ADAMTSL1: variants seen among roughly 807,000 people sequenced by gnomAD.
The protein encoded by ADAMTSL1 is ADAMTS like 1, also known as ADAMTS-like protein 1.
In ADAMTSL1, 126 loss-of-function variants were observed where a neutral mutation model predicts 201.8. The ratio of observed to expected loss-of-function variants is 0.62; its 90% confidence interval spans 0.54 to 0.72. The LOEUF is 0.72. Among genes scored for constraint, ADAMTSL1 ranks in the 30% least tolerant of loss-of-function variants. The probability of loss-of-function intolerance (pLI) is 0.00; values close to 1 mark genes in which losing one functional copy is unlikely to be tolerated. For missense variants in ADAMTSL1, 2,679 were observed against 2,277.8 expected (o/e 1.18, Z -3.59); for synonymous variants, 1,121 against 903.4 (o/e 1.24, Z -4.32).
intron 5 of ADAMTSL1, among the ~76,000 whole-genome samples, chr9:18,632,758 T>C (rs946032824): frequency 5.9e-5 from 9 of 152,292 alleles, no homozygotes; most frequent in South Asian, 2.1e-4. Flanking sequence ...TTCAGAATAA[T>C]ATATAAGAGA....
chr9:18,850,828 G>C (rs1826445883), intron 23 of ADAMTSL1, among the ~76,000 whole-genome samples: 1 of 152,046 alleles, frequency 6.6e-6, no homozygotes, highest in Non-Finnish European at 1.5e-5. Context: ...CTTTTTAATT[G>C]AGTTCCCTTT....
intron 1 of ADAMTSL1, among the ~76,000 whole-genome samples, chr9:18,159,319 A>T (rs2132076161): frequency 6.6e-6 from 1 of 152,130 alleles, no homozygotes; most frequent in Non-Finnish European, 1.5e-5. Flanking sequence ...CCTACCCATG[A>T]GACATGAGCT....
intron 1 of ADAMTSL1, among the ~76,000 whole-genome samples, chr9:18,123,927 T>C (rs1006822505): frequency 6.6e-6 from 1 of 152,174 alleles, no homozygotes; most frequent in Non-Finnish European, 1.5e-5. Flanking sequence ...TCTATGAAGT[T>C]TCCAATTTGT....
chr9:18,509,139 G>A (rs1817862559), intron 2 of ADAMTSL1, among the ~76,000 whole-genome samples: 1 of 80,244 alleles, frequency 1.2e-5, no homozygotes, highest in Non-Finnish European at 2.4e-5. Flanking sequence ...AGCCGAGATT[G>A]CGCCACTGCA....
rs556156843 is a variant in ADAMTSL1 at position 18,892,861 on chromosome 9, T to C, written c.4851+265T>C. Among the ~76,000 whole-genome samples, 35 of 152,290 alleles carry C rather than the reference T, an allele frequency of 2.3e-4. 1 individual carries two copies. The highest frequency in any genetic ancestry group is 7.5e-4 in the African/African-American group (31 of 41,552). On this transcript the variant is annotated intron_variant, in intron 26 of 28. Transcript: ENST00000380548. The stretch of plus-strand genomic sequence containing the variant: ...AAAACATCTTATAATTGGCCATCTA[T>C]ACATTATTACATTTATGTCCTCCAC...
rs1335807711 is a variant in ADAMTSL1 at position 18,753,626 on chromosome 9, A to T, written c.2217+118A>T. ...TTAAAGGGATGTTCAAGATCTGCTCATTTCTCCCTTCTTAGTACTCCCCTA... is the reference window on the plus strand; with the variant it reads ...TTAAAGGGATGTTCAAGATCTGCTCTTTTCTCCCTTCTTAGTACTCCCCTA... On this transcript the variant is annotated intron_variant, in intron 16 of 28. Coordinates refer to ENST00000380548, the MANE Select transcript of ADAMTSL1 (RefSeq NM_001040272.6). 13 of 1,133,448 alleles carry T rather than the reference A, an allele frequency of 1.1e-5. No homozygotes were observed. The South Asian group carries it at 1.7e-4, about 15-fold the overall frequency. 70.2% of individuals were successfully genotyped at this position (1,133,448 alleles called of 1,614,324 possible). A position where few individuals can be genotyped will look rare whatever the true frequency, so the allele number is the denominator to read the frequency against.
At chr9:18,584,157 G>A (rs1379549539) in intron 4 of ADAMTSL1, among the ~76,000 whole-genome samples, 1 of 152,174 alleles carries the variant, frequency 6.6e-6, no homozygotes, top group Non-Finnish European at 1.5e-5. Context: ...ACCTTGAATT[G>A]TAACTCCCAC....
intron 2 of ADAMTSL1, among the ~76,000 whole-genome samples, chr9:18,196,126 A>G (rs1244459364): frequency 2.0e-5 from 3 of 152,056 alleles, no homozygotes; most frequent in Non-Finnish European, 4.4e-5. Flanking sequence ...TCTACTACAT[A>G]GAGCTTCAGT....
intron 1 of ADAMTSL1, among the ~76,000 whole-genome samples, chr9:18,039,046 C>T (rs372119361): frequency 1.8e-4 from 28 of 152,046 alleles, no homozygotes; most frequent in African/African-American, 4.6e-4. Context: ...ATATATGAAA[C>T]GAAAATATTA....
At chr9:18,797,054 T>C (rs1822467789) in intron 20 of ADAMTSL1, among the ~76,000 whole-genome samples, 1 of 152,212 alleles carries the variant, frequency 6.6e-6, no homozygotes, top group Non-Finnish European at 1.5e-5. Context: ...ACATCAGGCT[T>C]GCCTTCAGCT....
At chr9:18,788,450 C>T (rs371322941) in intron 19 of ADAMTSL1, among the ~76,000 whole-genome samples, 4 of 139,358 alleles carry the variant, frequency 2.9e-5, no homozygotes, top group African/African-American at 1.1e-4. Context: ...CCGGTAGATT[C>T]CTGGATGCTG....
chr9:18,415,319 G>A (rs1818626591), intron 2 of ADAMTSL1, among the ~76,000 whole-genome samples: 1 of 152,082 alleles, frequency 6.6e-6, no homozygotes, highest in Admixed American at 6.6e-5. Context: ...TGTTTCATAG[G>A]TTCAAAAAGT....
intron 2 of ADAMTSL1, among the ~76,000 whole-genome samples, chr9:18,507,018 AC>A (rs1291877697): frequency 2.6e-5 from 4 of 152,208 alleles, no homozygotes; most frequent in Non-Finnish European, 4.4e-5. Flanking sequence ...CAAATCAAAA[AC>A]TTGTCATCAT....
intron 4 of ADAMTSL1, among the ~76,000 whole-genome samples, chr9:18,613,582 G>A (rs1051742791): frequency 1.1e-4 from 17 of 152,076 alleles, no homozygotes; most frequent in African/African-American, 4.1e-4. Context: ...TGGAGCTGGA[G>A]GCCATTATCC....
intron 4 of ADAMTSL1, among the ~76,000 whole-genome samples, chr9:18,584,952 T>TAAC (rs1315916783): frequency 2.0e-5 from 3 of 152,224 alleles, no homozygotes; most frequent in Admixed American, 6.5e-5. Flanking sequence ...TATTTTGTTA[T>TAAC]AACAGCACAA....
intron 2 of ADAMTSL1, among the ~76,000 whole-genome samples, chr9:18,409,751 C>T (rs946690507): frequency 6.7e-6 from 1 of 149,916 alleles, no homozygotes; most frequent in African/African-American, 2.4e-5. Context: ...TGTATATATA[C>T]ATAACATATA....
intron 1 of ADAMTSL1, among the ~76,000 whole-genome samples, chr9:18,122,474 G>T (rs2131925699): frequency 6.6e-6 from 1 of 152,248 alleles, no homozygotes; most frequent in African/African-American, 2.4e-5. Flanking sequence ...CTTTCTCTTA[G>T]AATGAGAAAT....
intron 2 of ADAMTSL1, among the ~76,000 whole-genome samples, chr9:18,302,296 A>G (rs1359482200): frequency 1.3e-5 from 2 of 152,092 alleles, no homozygotes; most frequent in African/African-American, 4.8e-5. Flanking sequence ...TACATTTCCT[A>G]GAGGATACTC....
intron 1 of ADAMTSL1, among the ~76,000 whole-genome samples, chr9:18,085,035 G>C (rs1234594765): frequency 6.6e-6 from 1 of 152,120 alleles, no homozygotes; most frequent in Non-Finnish European, 1.5e-5. Context: ...GTTTGAAGCT[G>C]ACGGAACAGC....
Sources: allele counts gnomAD v4.1 joint callset (sites outside exome capture counted in the v4.1 genomes callset), GRCh38; gene constraint gnomAD v4.1.1; transcripts MANE v1.5; gene names NCBI Gene and HGNC (gene_info 2026-07-23, HGNC 2026-07-21).